The following TTF2 variants were observed in gnomAD, a reference collection of about 807,000 sequenced individuals.
TTF2 encodes RNA polymerase II termination factor.
A neutral mutation model predicts 142.4 loss-of-function variants in TTF2; 108 were observed. The observed-to-expected ratio is 0.76, with a 90% CI of 0.65 to 0.89. TTF2 has a LOEUF of 0.89. TTF2 is among the 40% of genes least tolerant of loss of function. TTF2 has a pLI of 0.00. For missense variants in TTF2, 1,327 were observed against 1,379.8 expected, an observed-to-expected ratio of 0.96 and a Z score of 0.61; for synonymous variants, 483 against 506.2, an observed-to-expected ratio of 0.95 and a Z score of 0.61.
At position 117,097,411 on chromosome 1, in the gene TTF2, C is replaced by G; in HGVS notation, c.3247C>G (p.Leu1083Val). The G allele has an allele frequency of 6.2e-7, 1 of 1,614,098 alleles. No homozygotes were observed. Among genetic ancestry groups the G allele is most frequent in the South Asian group, 1.1e-5 (1 of 91,072 alleles). The change falls in exon 21 of 23, where the codon CTC (leucine) becomes GTC (valine). Residue 1083 changes from leucine (L) to valine (V), a missense_variant. Leu to Val is a conservative substitution (Grantham distance 32). Coordinates refer to ENST00000369466, the MANE Select transcript of TTF2 (RefSeq NM_003594.4). This position sits in a 1 kb window ranked among gnomAD's most constrained non-coding sequence, Gnocchi z 4.1. ...VGLNLTGGNH[L>V]FLLDMHWNPS... ...TCTAAACCTGACTGGAGGAAATCAC[C>G]TCTTTCTTTTGGACATGCACTGGTA...
At position 117,074,971 on chromosome 1, in the gene TTF2, T is replaced by C; in HGVS notation, c.387T>C (p.Leu129=). 6.2e-7 allele frequency: 1 copy of C among 1,613,936 alleles called. No individual in the cohort carries two copies. The highest frequency in any genetic ancestry group is 8.5e-7 in the Non-Finnish European group (1 of 1,180,022). Residue 129 remains leucine, a synonymous_variant, in exon 5 of 23, where the codon CTT becomes CTC. Transcript: ENST00000369466. The part of the protein sequence containing the change: ...SNWLRNPFKV[L]DKNQEPALWK... ...GGCTGAGAAATCCATTCAAGGTACT[T>C]GACAAGAATCAAGAACCAGCTCTCT... is the stretch of plus-strand genomic sequence containing the variant.
In TTF2 at chr1:117,091,372, A is replaced by G. The variant is rs756030158; in HGVS notation, c.2633A>G (p.Asn878Ser). ...CTAAAAAGACATGAAAGTAGAGGCA[A>G]CCAATCTGGAAGAAGCCCTAATAAT... ...SYLKRHESRG[N>S]QSGRSPNNPF... Residue 878 changes from asparagine to serine, a missense_variant, in exon 16 of 23, where the codon AAC becomes AGC. Asn to Ser is a conservative substitution (Grantham distance 46). Coordinates refer to ENST00000369466, the MANE Select transcript of TTF2 (RefSeq NM_003594.4). 3.2e-5 allele frequency: 51 copies of G among 1,613,476 alleles called. No individual in the cohort carries two copies. Among genetic ancestry groups the G allele is most frequent in the African/African-American group, 8.0e-5 (6 of 74,908 alleles).
rs1490619749 is a variant in TTF2 at position 117,087,324 on chromosome 1, ACT to A, written c.2160+805_2160+806del. On this transcript the variant is annotated intron_variant, in intron 12 of 22. Coordinates refer to ENST00000369466, the MANE Select transcript of TTF2 (RefSeq NM_003594.4). This position sits in a 1 kb window ranked among gnomAD's most constrained non-coding sequence, Gnocchi z 4.8. ...ATTTATTTATTTGAGGCAGAATCTCACTCTGTCGCCCAGGATGGAGTGCATGG... is the reference window on the plus strand; with the variant it reads ...ATTTATTTATTTGAGGCAGAATCTCACTGTCGCCCAGGATGGAGTGCATGG... 6.6e-6 allele frequency among the ~76,000 whole-genome samples: 1 copy of A among 151,802 alleles called. No homozygotes were observed. The highest frequency in any genetic ancestry group is 2.4e-5 in the African/African-American group (1 of 41,326).
chr1:117,096,350 A>C, intron 20 of TTF2, 51 bp downstream of exon 20: 1 of 1,578,346 alleles, frequency 6.3e-7, no homozygotes, highest in Non-Finnish European at 8.6e-7. Flanking sequence ...TGAGTTATAC[A>C]AAGAGAATTC....
rs1655876471 is a variant in TTF2 at position 117,063,843 on chromosome 1, C to A, written c.218+1370C>A. The stretch of plus-strand genomic sequence containing the variant: ...GGATATTAATATTGGTACAACCCAC[C>A]AGTTTTATTGGTAAAGGTAGTTTTA... On this transcript the variant is annotated intron_variant, in intron 3 of 22. Coordinates refer to ENST00000369466, the MANE Select transcript of TTF2 (RefSeq NM_003594.4). This position sits in a 1 kb window ranked among gnomAD's most constrained non-coding sequence, Gnocchi z 4.1. 6.6e-6 allele frequency among the ~76,000 whole-genome samples: 1 copy of A among 152,080 alleles called. No homozygotes were observed. Among genetic ancestry groups the A allele is most frequent in the African/African-American group, 2.4e-5 (1 of 41,418 alleles).
intron 20 of TTF2, 93 bp downstream of exon 20, chr1:117,096,392 T>C (rs1309859260): frequency 1.8e-5 from 27 of 1,489,400 alleles, no homozygotes; most frequent in Non-Finnish European, 1.8e-6. Context: ...TTTTTGTCTT[T>C]TTGAGACGGA....
chr1:117,078,645 A>C (rs1220767944), intron 8 of TTF2, among the ~76,000 whole-genome samples: 1 of 152,222 alleles, frequency 6.6e-6, no homozygotes, highest in Non-Finnish European at 1.5e-5. Context: ...AGGTGATGTT[A>C]CTGAGTAGGA....
Position 117,092,730 on chromosome 1 carries a change from G to C in TTF2, c.2806-1G>C, listed in dbSNP as rs1163472762. ...GCTCCTGTCCTTTTTTGTCTGTTCA[G>C]GCCCTGGATCCAATGGAACTGAAGG... On this transcript the variant is annotated splice_acceptor_variant, in intron 17 of 22. Coordinates refer to ENST00000369466, the MANE Select transcript of TTF2 (RefSeq NM_003594.4). LOFTEE classifies it high-confidence loss of function. The surrounding 1 kb of genome is among the most constrained non-coding windows in gnomAD (Gnocchi z 4.4). 1 of 1,612,976 alleles carries C rather than the reference G, an allele frequency of 6.2e-7. No individual in the cohort carries two copies. The highest frequency in any genetic ancestry group is 1.7e-5 in the Admixed American group (1 of 59,804).
chr1:117,067,738 A>G (rs1187094423), intron 3 of TTF2, among the ~76,000 whole-genome samples: 1 of 152,140 alleles, frequency 6.6e-6, no homozygotes, highest in African/African-American at 2.4e-5. Flanking sequence ...ACCCCTGGAG[A>G]GTGACCTATG....
chr1:117,102,636 T>C lies in TTF2; in HGVS notation c.*1112T>C, dbSNP rs1210442716. 1.3e-5 allele frequency: 2 copies of C among 152,268 alleles called. No individual in the cohort carries two copies. The highest frequency in any genetic ancestry group is 1.5e-5 in the Non-Finnish European group (1 of 68,042). 9.4% of individuals were successfully genotyped at this position (152,268 alleles called of 1,614,324 possible). On this transcript the variant is annotated 3_prime_UTR_variant, in exon 23 of 23. Coordinates refer to ENST00000369466, the MANE Select transcript of TTF2 (RefSeq NM_003594.4). Reference sequence around the variant, plus strand: ...ATAATATTTGTGTCATTTTTAATAGTATTTGTATTTTTACAAATTTGCAGT... The same window carrying C: ...ATAATATTTGTGTCATTTTTAATAGCATTTGTATTTTTACAAATTTGCAGT...
rs1250161847 is a variant in TTF2 at position 117,073,479 on chromosome 1, C to T, written c.219-182C>T. ...ATATTTATTCTTGGACTTCCTAGCC[C>T]TTATAAATGTTCTGTGCAGTAAATA... On this transcript the variant is annotated intron_variant, in intron 3 of 22. Transcript: ENST00000369466. The surrounding 1 kb of genome is among the most constrained non-coding windows in gnomAD (Gnocchi z 4.4). Among the ~76,000 whole-genome samples the T allele has an allele frequency of 6.6e-6, 1 of 152,154 alleles. No individual in the cohort carries two copies. Among genetic ancestry groups the T allele is most frequent in the African/African-American group, 2.4e-5 (1 of 41,440 alleles).
chr1:117,065,648 T>C (rs1159368972), intron 3 of TTF2, among the ~76,000 whole-genome samples: 3 of 152,234 alleles, frequency 2.0e-5, no homozygotes, highest in Admixed American at 2.0e-4. Flanking sequence ...ACAGAGTTCC[T>C]ATGCATCTTT....
Position 117,104,959 on chromosome 1 carries a change from A to G in TTF2, c.*3435A>G, listed in dbSNP as rs1649838100. 1.3e-5 allele frequency: 2 copies of G among 152,212 alleles called. No homozygotes were observed. Among genetic ancestry groups the G allele is most frequent in the South Asian group, 2.1e-4 (1 of 4,832 alleles). The allele number at this position is 152,212 out of a possible 1,614,324, so 9.4% of individuals were successfully genotyped here. Reference sequence around the variant, plus strand: ...TAGGTATGACAAGGTGGGTCTTTGCACCTTCTAGCGATGGGCAGCATCCCA... The same window carrying G: ...TAGGTATGACAAGGTGGGTCTTTGCGCCTTCTAGCGATGGGCAGCATCCCA... On this transcript the variant is annotated 3_prime_UTR_variant, in exon 23 of 23. Transcript: ENST00000369466.
chr1:117,090,111 A>G lies in TTF2; in HGVS notation c.2399A>G (p.Asn800Ser), dbSNP rs1414178581. The stretch of plus-strand genomic sequence containing the variant: ...AATCTGTGGAGGAGTCAGGTTGACA[A>G]TGGCTCAAAGAAAGGAGGAGAACGG... ...EFNLWRSQVD[N>S]GSKKGGERLS... Residue 800 changes from asparagine (N) to serine (S), a missense_variant, in exon 14 of 23, where the codon AAT becomes AGT. Physicochemically the swap from Asn to Ser is conservative, Grantham distance 46. Transcript: ENST00000369466. This position sits in a 1 kb window ranked among gnomAD's most constrained non-coding sequence, Gnocchi z 4.8. 22 of 1,613,996 alleles carry G rather than the reference A, an allele frequency of 1.4e-5. No individual in the cohort carries two copies. The highest frequency in any genetic ancestry group is 4.5e-5 in the East Asian group (2 of 44,894).
In TTF2 at chr1:117,082,165, G is replaced by T. The variant is rs2101066879; in HGVS notation, c.1903+218G>T. Reference sequence around the variant, plus strand: ...TATAAATTTGCCTATAAACTAGGCAGAATTTTATGGAGAAAGCTGAGGCTC... The same window carrying T: ...TATAAATTTGCCTATAAACTAGGCATAATTTTATGGAGAAAGCTGAGGCTC... On this transcript the variant is annotated intron_variant, in intron 10 of 22. Coordinates refer to ENST00000369466, the MANE Select transcript of TTF2 (RefSeq NM_003594.4). 5.2e-6 allele frequency: 3 copies of T among 573,758 alleles called. No homozygotes were observed. The South Asian group carries it at 5.7e-5, about 11-fold the overall frequency. 35.5% of individuals were successfully genotyped at this position (573,758 alleles called of 1,614,324 possible).
At position 117,099,498 on chromosome 1, in the gene TTF2, C is replaced by T. The variant is rs1378712814; in HGVS notation, c.3344+591C>T. Among the ~76,000 whole-genome samples the T allele has an allele frequency of 1.3e-5, 2 of 152,170 alleles. No homozygotes were observed. The highest frequency in any genetic ancestry group is 2.9e-5 in the Non-Finnish European group (2 of 68,026). ...TTCACAGCAAAAAAGAATCCCAGATCCTGGTAGCACGCAGTTTTCATAAGT... is the reference window on the plus strand; with the variant it reads ...TTCACAGCAAAAAAGAATCCCAGATTCTGGTAGCACGCAGTTTTCATAAGT... On this transcript the variant is annotated intron_variant, in intron 22 of 22. Transcript: ENST00000369466. This position sits in a 1 kb window ranked among gnomAD's most constrained non-coding sequence, Gnocchi z 4.3.
At position 117,073,810 on chromosome 1, in the gene TTF2, C is replaced by T. The variant is rs1368710801; in HGVS notation, c.285+83C>T. The T allele has an allele frequency of 7.5e-6, 10 of 1,325,036 alleles. No homozygotes were observed. The highest frequency in any genetic ancestry group is 2.4e-5 in the East Asian group (1 of 41,350). 82.1% of individuals were successfully genotyped at this position (1,325,036 alleles called of 1,614,324 possible). ...TCACCTGAAAATACCTTGAAGTTCA[C>T]GTAAATGAGTTGGTCTTCATCAGAC... is the stretch of plus-strand genomic sequence containing the variant. On this transcript the variant is annotated intron_variant, in intron 4 of 22. Coordinates refer to ENST00000369466, the MANE Select transcript of TTF2 (RefSeq NM_003594.4). The surrounding 1 kb of genome is among the most constrained non-coding windows in gnomAD (Gnocchi z 4.4).
chr1:117,072,774 C>T (rs145576300), intron 3 of TTF2, among the ~76,000 whole-genome samples: 2 of 152,080 alleles, frequency 1.3e-5, no homozygotes, highest in Non-Finnish European at 1.5e-5. Flanking sequence ...AGAAGGGAGT[C>T]TTGCTGTGTT....
rs1409966568 is a variant in TTF2 at position 117,091,925 on chromosome 1, G to A, written c.2780G>A (p.Cys927Tyr). 3.1e-6 allele frequency: 5 copies of A among 1,612,478 alleles called. No homozygotes were observed. In the Admixed American group the frequency reaches 6.7e-5, roughly 22 times the overall value. ...CAGTTGCTGAGACTCCGCCAGTGTT[G>A]CTGTCATCTTTCTTTACTGAAGTCG... ...LSQLLRLRQC[C>Y]CHLSLLKSAL... is the part of the protein sequence containing the mutation. The change falls in exon 17 of 23, where the codon TGC (cysteine) becomes TAC (tyrosine). Residue 927 changes from cysteine to tyrosine, a missense_variant. Transcript: ENST00000369466.
Sources: gnomAD v4.1 joint callset for allele counts (sites outside exome capture counted in the v4.1 genomes callset) on GRCh38, gnomAD v4.1.1 for gene constraint, Gnocchi (gnomAD v3.1) non-coding constraint, MANE v1.5 for transcripts, NCBI Gene and HGNC (gene_info 2026-07-23, HGNC 2026-07-21) for gene names.